The following CALB2 variants were observed in gnomAD, a reference collection of about 807,000 sequenced individuals.
CALB2 encodes the protein calretinin.
In CALB2, 34 loss-of-function variants were observed where a neutral mutation model predicts 45.9. The observed-to-expected ratio is 0.74, with a 90% confidence interval of 0.56 to 0.99. The LOEUF (loss-of-function observed/expected upper bound fraction) is 0.99, where lower values mean the gene tolerates loss of function less well. Ranked by LOEUF, CALB2 falls within the 50% of genes least tolerant of loss-of-function variation. The pLI is 0.00. For missense variants in CALB2, 344 were observed against 339.3 expected, an observed-to-expected ratio of 1.01 and a Z score of -0.11; for synonymous variants, 142 against 129.6, an observed-to-expected ratio of 1.10 and a Z score of -0.65.
chr16:71,369,300 G>A (rs919345094), intron 1 of CALB2, among the ~76,000 whole-genome samples: 18 of 152,172 alleles, frequency 1.2e-4, no homozygotes, highest in African/African-American at 4.1e-4. Flanking sequence ...AGAAACTGAG[G>A]TTCACAGAGG....
chr16:71,383,899 T>G, intron 6 of CALB2, 71 bp from the exon 7 acceptor site: 1 of 1,553,656 alleles, frequency 6.4e-7, no homozygotes, highest in Non-Finnish European at 8.9e-7. Flanking sequence ...TCCCATCCTC[T>G]CCAGTAAAAG....
At chr16:71,364,175 C>T (rs1209930480) in intron 1 of CALB2, among the ~76,000 whole-genome samples, 2 of 152,220 alleles carry the variant, frequency 1.3e-5, no homozygotes, top group Admixed American at 6.5e-5. Context: ...ACTCTGATTG[C>T]ACCAGCCGGC....
chr16:71,383,914 T>C, intron 6 of CALB2, 56 bp from the exon 7 acceptor site: 2 of 1,587,192 alleles, frequency 1.3e-6, no homozygotes, highest in Non-Finnish European at 1.7e-6. Flanking sequence ...TAAAAGGGGA[T>C]GTCAGGTCAG....
intron 4 of CALB2, among the ~76,000 whole-genome samples, chr16:71,378,517 G>A (rs1487672658): frequency 1.3e-5 from 2 of 152,108 alleles, no homozygotes; most frequent in South Asian, 2.1e-4. Context: ...TCCAGGCTGG[G>A]CCACAGAGCA....
At chr16:71,380,262 C>CTTTTCT (rs963282375) in intron 4 of CALB2, among the ~76,000 whole-genome samples, 7 of 71,576 alleles carry the variant, frequency 9.8e-5, no homozygotes, top group Middle Eastern at 8.6e-3. Context: ...GGATTTCTTT[C>CTTTTCT]TTTTCTTTCT....
chr16:71,387,666 GAAGT>G (rs1040182121), intron 10 of CALB2, among the ~76,000 whole-genome samples: 1 of 152,256 alleles, frequency 6.6e-6, no homozygotes, highest in Non-Finnish European at 1.5e-5. Flanking sequence ...AAACTTATAG[GAAGT>G]AAGCAGCCCC....
chr16:71,380,149 C>G (rs2042469603), intron 4 of CALB2, among the ~76,000 whole-genome samples: 1 of 151,938 alleles, frequency 6.6e-6, no homozygotes, highest in Non-Finnish European at 1.5e-5. Context: ...ATGGTGGCAC[C>G]TTGTAGGGGG....
intron 1 of CALB2, among the ~76,000 whole-genome samples, chr16:71,363,381 T>G (rs1333410435): frequency 6.6e-6 from 1 of 152,132 alleles, no homozygotes; most frequent in Non-Finnish European, 1.5e-5. Flanking sequence ...CTGAGTCCTG[T>G]TCCTTATCTA....
intron 9 of CALB2, 33 bp from the exon 10 acceptor site, chr16:71,385,544 A>C: frequency 1.2e-6 from 2 of 1,600,076 alleles, no homozygotes; most frequent in Non-Finnish European, 1.7e-6. Flanking sequence ...CCCAGGCTTT[A>C]GAGCTCTGGG....
rs534821515 is a variant in CALB2 at position 71,384,901 on chromosome 16, G to C, written c.627+65G>C. ...CCATCAGCCCGTCCAGAAGGGCTCA[G>C]CTTCATCCCTGGGAAGAGACAGCTT... On this transcript the variant is annotated intron_variant, in intron 9 of 10. Transcript: ENST00000302628. 28 of 1,365,782 alleles carry C rather than the reference G, an allele frequency of 2.1e-5. No homozygotes were observed. The East Asian group carries it at 6.0e-4, about 29-fold the overall frequency. The allele number at this position is 1,365,782 out of a possible 1,614,324, so 84.6% of individuals were successfully genotyped here.
At chr16:71,363,699 G>T (rs2042255159) in intron 1 of CALB2, among the ~76,000 whole-genome samples, 1 of 152,210 alleles carries the variant, frequency 6.6e-6, no homozygotes, top group Non-Finnish European at 1.5e-5. Context: ...GAGAGGTCCT[G>T]CAATACCAAA....
chr16:71,381,675 G>C (rs776594840), intron 4 of CALB2, among the ~76,000 whole-genome samples: 1 of 151,970 alleles, frequency 6.6e-6, no homozygotes, highest in Non-Finnish European at 1.5e-5. Flanking sequence ...GTGTAGTTTG[G>C]AGCTGGGGGA....
At chr16:71,364,690 A>G (rs1046722064) in intron 1 of CALB2, among the ~76,000 whole-genome samples, 2 of 152,228 alleles carry the variant, frequency 1.3e-5, no homozygotes, top group Non-Finnish European at 2.9e-5. Flanking sequence ...GACCCAGCCC[A>G]GCTCCAGAAC....
intron 5 of CALB2, 31 bp downstream of exon 5, chr16:71,382,806 C>T (rs905546238): frequency 1.3e-6 from 2 of 1,588,082 alleles, no homozygotes; most frequent in Non-Finnish European, 1.7e-6. Flanking sequence ...GGTGTGAGGC[C>T]AGAGTGGCGG....
At chr16:71,382,680 T>C (rs763223572) in intron 4 of CALB2, 39 bp from the exon 5 acceptor site, 3 of 1,602,684 alleles carry the variant, frequency 1.9e-6, no homozygotes, top group South Asian at 2.3e-5. Flanking sequence ...TAGATTTTGA[T>C]ACGTCTTTGC....
At chr16:71,365,362 G>C in intron 1 of CALB2, among the ~76,000 whole-genome samples, 1 of 152,130 alleles carries the variant, frequency 6.6e-6, no homozygotes, top group East Asian at 1.9e-4. Context: ...AGAAGCGACT[G>C]GACGCAACAT....
At chr16:71,380,982 C>A (rs903012548) in intron 4 of CALB2, among the ~76,000 whole-genome samples, 1 of 152,160 alleles carries the variant, frequency 6.6e-6, no homozygotes, top group South Asian at 2.1e-4. Flanking sequence ...AGAGGAGGCA[C>A]GTGGGGGAGC....
intron 1 of CALB2, among the ~76,000 whole-genome samples, chr16:71,360,661 A>G (rs2042228743): frequency 6.6e-6 from 1 of 152,162 alleles, no homozygotes; most frequent in South Asian, 2.1e-4. Context: ...ACTTTCCCCC[A>G]TTCTCAGAGG....
At chr16:71,388,334 C>CAAAAAA (rs71153632) in intron 10 of CALB2, among the ~76,000 whole-genome samples, 12 of 103,244 alleles carry the variant, frequency 1.2e-4, no homozygotes, top group East Asian at 5.5e-4. Context: ...GACCTTATCT[C>CAAAAAA]AAAAAAAAAA....
Sources: allele counts gnomAD v4.1 joint callset (sites outside exome capture counted in the v4.1 genomes callset), GRCh38; gene constraint gnomAD v4.1.1; transcripts MANE v1.5; gene names NCBI Gene and HGNC (gene_info 2026-07-23, HGNC 2026-07-21).